The following DNMBP variants were observed in gnomAD, a reference collection of about 807,000 sequenced individuals.
DNMBP encodes the protein dynamin binding protein, also known as dynamin-binding protein.
Under a neutral mutation model 150.0 loss-of-function variants are expected in DNMBP, and 87 were observed. The ratio of observed to expected loss-of-function variants is 0.58; its 90% CI spans 0.49 to 0.69. The LOEUF is 0.69. Among genes scored for constraint, DNMBP ranks in the 30% least tolerant of loss-of-function variants. The pLI, the probability that DNMBP is intolerant of heterozygous loss-of-function variation, is 0.00. For missense variants in DNMBP, 1,774 were observed against 1,949.0 expected (o/e 0.91, Z 1.69); for synonymous variants, 711 against 750.4 (o/e 0.95, Z 0.86).
At chr10:99,888,064 C>A (rs2039497590) in intron 12 of DNMBP, among the ~76,000 whole-genome samples, 1 of 152,106 alleles carries the variant, frequency 6.6e-6, no homozygotes, top group South Asian at 2.1e-4. Flanking sequence ...CTCAGGTGAT[C>A]CGCCCACCTC....
chr10:99,910,787 T>G (rs1279242471), intron 4 of DNMBP, among the ~76,000 whole-genome samples: 2 of 152,160 alleles, frequency 1.3e-5, no homozygotes. Context: ...ACAATTTGAG[T>G]ATAAATGAAA....
chr10:100,004,712 A>G (rs2041050589), intron 1 of DNMBP, among the ~76,000 whole-genome samples: 1 of 152,232 alleles, frequency 6.6e-6, no homozygotes, highest in South Asian at 2.1e-4. Context: ...CAAAACTCCA[A>G]AAACATAAAC....
At chr10:99,975,729 C>G (rs1297628115) in intron 1 of DNMBP, among the ~76,000 whole-genome samples, 3 of 152,168 alleles carry the variant, frequency 2.0e-5, no homozygotes, top group Non-Finnish European at 4.4e-5. Flanking sequence ...GTCAGAGAGA[C>G]CCAGGTCCAC....
intron 3 of DNMBP, among the ~76,000 whole-genome samples, chr10:99,963,109 C>T (rs1174663870): frequency 1.3e-5 from 2 of 151,946 alleles, no homozygotes; most frequent in African/African-American, 4.8e-5. Flanking sequence ...CAGTCTGTTA[C>T]CCAGGCTGGA....
Position 99,968,428 on chromosome 10 carries a change from T to C in DNMBP, c.268+687A>G, listed in dbSNP as rs538908108. Among the ~76,000 whole-genome samples, 46 of 152,274 alleles carry C rather than the reference T, an allele frequency of 3.0e-4. No homozygotes were observed. In the South Asian group the frequency reaches 9.5e-3, roughly 32 times the overall value. On this transcript the variant is annotated intron_variant, in intron 3 of 16. Coordinates refer to ENST00000324109, the MANE Select transcript of DNMBP (RefSeq NM_015221.4). ...TTGGTCAGGCGCAGTGACTCATGCCTGTAATCCCAGCACTTTGGGAGGCCG... is the reference window on the plus strand; with the variant it reads ...TTGGTCAGGCGCAGTGACTCATGCCCGTAATCCCAGCACTTTGGGAGGCCG...
chr10:99,881,468 G>A (rs1160010412), intron 15 of DNMBP, among the ~76,000 whole-genome samples: 1 of 152,222 alleles, frequency 6.6e-6, no homozygotes, highest in African/African-American at 2.4e-5. Context: ...GATTGCGTGA[G>A]CATCCACGTG....
intron 4 of DNMBP, among the ~76,000 whole-genome samples, chr10:99,950,350 A>G (rs2040406459): frequency 6.6e-6 from 1 of 152,138 alleles, no homozygotes; most frequent in African/African-American, 2.4e-5. Context: ...GTGAACATGG[A>G]CTAATACAGG....
At chr10:99,990,652 T>G (rs1000160199) in intron 1 of DNMBP, among the ~76,000 whole-genome samples, 15 of 149,196 alleles carry the variant, frequency 1.0e-4, no homozygotes, top group African/African-American at 3.7e-4. Context: ...TGTGTATAAG[T>G]GTATATATAT....
At chr10:99,887,446 G>A (rs1357074943) in intron 12 of DNMBP, among the ~76,000 whole-genome samples, 1 of 151,724 alleles carries the variant, frequency 6.6e-6, no homozygotes, top group Non-Finnish European at 1.5e-5. Flanking sequence ...AGAATCGCTT[G>A]AACCTGGGAG....
At chr10:99,944,614 G>A (rs1447371149) in intron 4 of DNMBP, among the ~76,000 whole-genome samples, 1 of 152,014 alleles carries the variant, frequency 6.6e-6, no homozygotes, top group African/African-American at 2.4e-5. Context: ...TATGTACCCA[G>A]CCCTTAGCAC....
chr10:99,879,751 G>A, intron 16 of DNMBP, 60 bp downstream of exon 16: 1 of 1,591,744 alleles, frequency 6.3e-7, no homozygotes, highest in Non-Finnish European at 8.6e-7. Flanking sequence ...CACCCCCGCT[G>A]GTACCCACAA....
chr10:99,886,345 A>G lies in DNMBP; in HGVS notation c.3573T>C (p.Cys1191=). The change falls in exon 13 of 17, where the codon TGT becomes TGC. Residue 1191 remains cysteine, a synonymous_variant. Coordinates refer to ENST00000324109, the MANE Select transcript of DNMBP (RefSeq NM_015221.4). ...NCVHGYAEAH[C]DFVHQALEQL... ...GCTCCAGAGCCTGGTGCACAAAGTCACAGTGGGCTTCAGCATAGCCGTGGA... is the reference window on the plus strand; with the variant it reads ...GCTCCAGAGCCTGGTGCACAAAGTCGCAGTGGGCTTCAGCATAGCCGTGGA... 6.2e-7 allele frequency: 1 copy of G among 1,614,140 alleles called. No homozygotes were observed. The highest frequency in any genetic ancestry group is 8.5e-7 in the Non-Finnish European group (1 of 1,180,002).
In DNMBP at chr10:99,892,222, C is replaced by T. The variant is rs1437282115; in HGVS notation, c.3156+2724G>A. ...GCCGCCCCGTCCGGGAGGTGAGGGG[C>T]GCCTCTGCCCGGCCACCACCCCGTC... On this transcript the variant is annotated intron_variant, in intron 11 of 16. Transcript: ENST00000324109. Among the ~76,000 whole-genome samples the T allele has an allele frequency of 2.8e-4, 42 of 149,926 alleles. 2 individuals carry two copies. The highest frequency in any genetic ancestry group is 1.2e-3 in the Admixed American group (18 of 15,120).
At chr10:99,919,640 A>G (rs2040000910) in intron 4 of DNMBP, among the ~76,000 whole-genome samples, 1 of 152,238 alleles carries the variant, frequency 6.6e-6, no homozygotes, top group African/African-American at 2.4e-5. Context: ...TAAAAATACA[A>G]GAATTAGCCG....
chr10:99,932,916 A>C (rs1414812147), intron 4 of DNMBP, among the ~76,000 whole-genome samples: 3 of 151,880 alleles, frequency 2.0e-5, no homozygotes, highest in East Asian at 1.9e-4. Flanking sequence ...TTCCTAAGGA[A>C]TCACCTAGGA....
At chr10:99,938,149 T>C (rs1394512729) in intron 4 of DNMBP, among the ~76,000 whole-genome samples, 1 of 152,254 alleles carries the variant, frequency 6.6e-6, no homozygotes, top group Admixed American at 6.5e-5. Flanking sequence ...AGCAACTTGA[T>C]ATCTTTGATA....
At chr10:99,958,348 T>C (rs1028330934) in intron 3 of DNMBP, 3 of 152,204 alleles carry the variant, frequency 2.0e-5, no homozygotes, top group Admixed American at 6.5e-5. Flanking sequence ...TGTGACAATA[T>C]AGGAATTACA....
chr10:99,902,784 C>T (rs940709449), intron 6 of DNMBP, among the ~76,000 whole-genome samples: 1 of 151,636 alleles, frequency 6.6e-6, no homozygotes, highest in African/African-American at 2.4e-5. Flanking sequence ...AAAAATTAGC[C>T]AGGCATGGTG....
At chr10:99,904,809 G>A (rs2039801331) in intron 6 of DNMBP, among the ~76,000 whole-genome samples, 1 of 152,182 alleles carries the variant, frequency 6.6e-6, no homozygotes, top group Admixed American at 6.5e-5. Flanking sequence ...ATCTTATGGA[G>A]GTGGGGCTAT....
Sources: gnomAD v4.1 joint callset for allele counts (sites outside exome capture counted in the v4.1 genomes callset) on GRCh38, gnomAD v4.1.1 for gene constraint, MANE v1.5 for transcripts, NCBI Gene and HGNC (gene_info 2026-07-23, HGNC 2026-07-21) for gene names.